The following ZNF99 variants were observed in gnomAD, a reference collection of about 807,000 sequenced individuals.
The protein encoded by ZNF99 is zinc finger protein ENSP00000375192.
In ZNF99, 8 loss-of-function variants were observed where a neutral mutation model predicts 12.8. The ratio of observed to expected loss-of-function variants is 0.62; its 90% CI spans 0.37 to 1.13. ZNF99 has a LOEUF of 1.13. Ranked by LOEUF, ZNF99 falls within the 50% of genes most tolerant of loss-of-function variation. The probability of loss-of-function intolerance (pLI) is 0.02; values close to 1 mark genes in which losing one functional copy is unlikely to be tolerated. For synonymous variants in ZNF99, 318 were observed against 319.0 expected (o/e 1.00, Z 0.03); for missense variants, 1,007 against 1,006.2 (o/e 1.00, Z -0.01).
intron 3 of ZNF99, among the ~76,000 whole-genome samples, chr19:22,764,714 A>G (rs1452229193): frequency 6.6e-6 from 1 of 152,242 alleles, no homozygotes; most frequent in African/African-American, 2.4e-5. Flanking sequence ...ACAAATGGCC[A>G]AGAAACATAT....
At chr19:22,775,717 A>T (rs62120457) in intron 1 of ZNF99, among the ~76,000 whole-genome samples, 1 of 152,158 alleles carries the variant, frequency 6.6e-6, no homozygotes, top group Non-Finnish European at 1.5e-5. Flanking sequence ...AGAAACAAAC[A>T]ACCTCCTTAA....
chr19:22,768,045 C>T (rs1973224060), intron 3 of ZNF99, among the ~76,000 whole-genome samples: 1 of 152,028 alleles, frequency 6.6e-6, no homozygotes, highest in Admixed American at 6.6e-5. Context: ...TTGTGCAGTC[C>T]CTTATATGCC....
At position 22,753,378 on chromosome 19, in the gene ZNF99, C is replaced by T. The variant is rs1384574613; in HGVS notation, c.*3936G>A. 3 of 152,124 alleles carry T rather than the reference C, an allele frequency of 2.0e-5. No homozygotes were observed. In the East Asian group the frequency reaches 5.8e-4, roughly 29 times the overall value. The allele number at this position is 152,124 out of a possible 1,614,324, so 9.4% of individuals were successfully genotyped here. A position where few individuals can be genotyped will look rare whatever the true frequency, so the allele number is the denominator to read the frequency against. On this transcript the variant is annotated 3_prime_UTR_variant, in exon 4 of 4. Transcript: ENST00000596209. ...TCTACTGTGAATTCTCTGACATTTA[C>T]AGAGTTAATTTTGGATTGAATATTT...
In ZNF99 at chr19:22,754,073, T is replaced by C. The variant is rs1176330715; in HGVS notation, c.*3241A>G. 1 of 455,778 alleles carries C rather than the reference T, an allele frequency of 2.2e-6. No individual in the cohort carries two copies. Among genetic ancestry groups the C allele is most frequent in the Admixed American group, 2.3e-5 (1 of 42,568 alleles). 28.2% of individuals were successfully genotyped at this position (455,778 alleles called of 1,614,324 possible). ...TAACTTATTAAAAACTTTGCCACAT[T>C]CGACCGGGCTCAATGGCTCATGCTT... is the stretch of plus-strand genomic sequence containing the variant. On this transcript the variant is annotated 3_prime_UTR_variant, in exon 4 of 4. Coordinates refer to ENST00000596209, the MANE Select transcript of ZNF99 (RefSeq NM_001080409.3).
Position 22,756,633 on chromosome 19 carries a change from C to G in ZNF99, c.*681G>C. 1 of 1,580,164 alleles carries G rather than the reference C, an allele frequency of 6.3e-7. No individual in the cohort carries two copies. Among genetic ancestry groups the G allele is most frequent in the African/African-American group, 1.6e-5 (1 of 61,604 alleles). On this transcript the variant is annotated 3_prime_UTR_variant, in exon 4 of 4. Transcript: ENST00000596209. ...ATTCTTCACATTTGTACGGTTTCTC[C>G]CCAGTATGAATTATCTTATGTTTCA...
chr19:22,776,606 G>T lies in ZNF99; in HGVS notation c.4-7282C>A, dbSNP rs1317855462. Among the ~76,000 whole-genome samples the T allele has an allele frequency of 2.0e-5, 3 of 151,648 alleles. No individual in the cohort carries two copies. The East Asian group carries it at 5.8e-4, about 29-fold the overall frequency. On this transcript the variant is annotated intron_variant, in intron 1 of 3. Transcript: ENST00000596209. ...GATGCTGGCAGTTGCAGAGAAAAGC[G>T]TATGCGCTGCTGCTAGGAGTGTAAA...
At position 22,758,493 on chromosome 19, in the gene ZNF99, C is replaced by A. The variant is rs1973105627; in HGVS notation, c.1416G>T (p.Glu472Asp). 1 of 1,613,070 alleles carries A rather than the reference C, an allele frequency of 6.2e-7. No homozygotes were observed. Among genetic ancestry groups the A allele is most frequent in the African/African-American group, 1.3e-5 (1 of 74,762 alleles). Residue 472 changes from glutamate (E) to aspartate (D), a missense_variant, in exon 4 of 4, where the codon GAG (glutamate) becomes GAT (aspartate). Physicochemically the swap from Glu to Asp is conservative, Grantham distance 45. Transcript: ENST00000596209. ...AGGGTTTCTCTCCAGTATGAATTAT[C>A]TCATGTTTTCTAAGGGCTGAAAAAT... is the stretch of plus-strand genomic sequence containing the variant. ...FSNFSALRKH[E>D]IIHTGEKPYK...
intron 3 of ZNF99, among the ~76,000 whole-genome samples, chr19:22,767,143 G>C (rs1304669797): frequency 6.6e-6 from 1 of 151,280 alleles, no homozygotes; most frequent in Non-Finnish European, 1.5e-5. Context: ...AAACTAGCTG[G>C]GTTTAATGGC....
Position 22,754,572 on chromosome 19 carries a change from T to C in ZNF99, c.*2742A>G, listed in dbSNP as rs1004425882. 1 of 420,042 alleles carries C rather than the reference T, an allele frequency of 2.4e-6. No homozygotes were observed. Among genetic ancestry groups the C allele is most frequent in the African/African-American group, 2.1e-5 (1 of 48,062 alleles). The allele number at this position is 420,042 out of a possible 1,614,324, so 26.0% of individuals were successfully genotyped here. ...AAGACTTTGTTACATTCTTCACATTTGTCGGGTTTCTCTTCAGTATGAATT... is the reference window on the plus strand; with the variant it reads ...AAGACTTTGTTACATTCTTCACATTCGTCGGGTTTCTCTTCAGTATGAATT... On this transcript the variant is annotated 3_prime_UTR_variant, in exon 4 of 4. Transcript: ENST00000596209.
At chr19:22,765,971 C>T (rs982889649) in intron 3 of ZNF99, among the ~76,000 whole-genome samples, 42 of 151,878 alleles carry the variant, frequency 2.8e-4, no homozygotes, top group Non-Finnish European at 5.1e-4. Context: ...AGGCATAATA[C>T]CCTTAAAATT....
intron 1 of ZNF99, 64 bp from the exon 2 acceptor site, chr19:22,769,388 G>A (rs977250461): frequency 7.2e-5 from 110 of 1,531,294 alleles, no homozygotes; most frequent in Non-Finnish European, 9.3e-5. Context: ...TTTTTAATTT[G>A]ACTCAAGGTG....
At chr19:22,780,785 G>A (rs533635030) in intron 1 of ZNF99, among the ~76,000 whole-genome samples, 1 of 150,702 alleles carries the variant, frequency 6.6e-6, no homozygotes, top group Admixed American at 6.6e-5. Context: ...AGATAGCAAA[G>A]TAATAGGATA....
At position 22,756,289 on chromosome 19, in the gene ZNF99, G is replaced by C. The variant is rs1973051397; in HGVS notation, c.*1025C>G. On this transcript the variant is annotated 3_prime_UTR_variant, in exon 4 of 4. Coordinates refer to ENST00000596209, the MANE Select transcript of ZNF99 (RefSeq NM_001080409.3). The stretch of plus-strand genomic sequence containing the variant: ...AAGCTTTGCCACATTCTTCACATTT[G>C]TAGGTTTTCCCTCCAGTATGAATTG... The C allele has an allele frequency of 6.4e-7, 1 of 1,572,490 alleles. No individual in the cohort carries two copies. Among genetic ancestry groups the C allele is most frequent in the East Asian group, 2.3e-5 (1 of 43,278 alleles).
At position 22,773,586 on chromosome 19, in the gene ZNF99, C is replaced by T. The variant is rs149504491; in HGVS notation, c.4-4262G>A. Reference sequence around the variant, plus strand: ...ATCTTCATGAAAGGAGGTAATTTTGCAACTTGAAGCCAGGTGCCTGCTGAA... The same window carrying T: ...ATCTTCATGAAAGGAGGTAATTTTGTAACTTGAAGCCAGGTGCCTGCTGAA... On this transcript the variant is annotated intron_variant, in intron 1 of 3. Transcript: ENST00000596209. Among the ~76,000 whole-genome samples, 610 of 152,322 alleles carry T rather than the reference C, an allele frequency of 4.0e-3. 5 individuals are homozygous for T. Among genetic ancestry groups the T allele is most frequent in the Non-Finnish European group, 6.3e-3 (426 of 68,018 alleles).
At chr19:22,767,749 G>A (rs6511382) in intron 3 of ZNF99, among the ~76,000 whole-genome samples, 53,591 of 151,916 alleles carry the variant, frequency 0.35, 9,987 homozygotes, top group African/African-American at 0.5. Context: ...ATAACATTAT[G>A]GACTGTAATA....
At chr19:22,765,727 G>A (rs1009011944) in intron 3 of ZNF99, among the ~76,000 whole-genome samples, 160 of 151,608 alleles carry the variant, frequency 1.1e-3, no homozygotes, top group African/African-American at 3.8e-3. Flanking sequence ...GCTCATGCCT[G>A]TAATCCTACA....
chr19:22,778,227 G>T lies in ZNF99; in HGVS notation c.3+5787C>A, dbSNP rs540981847. ...TCTTTTTTATCCTCTCTCACCCTGG[G>T]AGGAGACCTGAAATCACAGGGTAAT... is the stretch of plus-strand genomic sequence containing the variant. On this transcript the variant is annotated intron_variant, in intron 1 of 3. Coordinates refer to ENST00000596209, the MANE Select transcript of ZNF99 (RefSeq NM_001080409.3). Among the ~76,000 whole-genome samples the T allele has an allele frequency of 1.9e-4, 29 of 152,008 alleles. 1 individual carries two copies. Among genetic ancestry groups the T allele is most frequent in the Admixed American group, 1.9e-3 (29 of 15,256 alleles).
At chr19:22,768,691 T>C (rs537724201) in intron 2 of ZNF99, among the ~76,000 whole-genome samples, 5 of 152,240 alleles carry the variant, frequency 3.3e-5, no homozygotes, top group African/African-American at 4.8e-5. Flanking sequence ...AAAATGCAGA[T>C]CTGCTTAGAA....
At chr19:22,778,795 G>A (rs946943953) in intron 1 of ZNF99, among the ~76,000 whole-genome samples, 9 of 152,070 alleles carry the variant, frequency 5.9e-5, no homozygotes, top group Non-Finnish European at 1.3e-4. Context: ...ACCTGAGGTT[G>A]TGAGTTCAAG....
Sources: allele counts gnomAD v4.1 joint callset (sites outside exome capture counted in the v4.1 genomes callset), GRCh38; gene constraint gnomAD v4.1.1; transcripts MANE v1.5; gene names NCBI Gene and HGNC (gene_info 2026-07-23, HGNC 2026-07-21).